The following UBASH3B variants were observed in gnomAD, a reference collection of about 807,000 sequenced individuals.
UBASH3B encodes the protein ubiquitin-associated and SH3 domain-containing protein B.
A neutral mutation model predicts 83.4 loss-of-function variants in UBASH3B; 37 were observed. The observed-to-expected ratio is 0.44, with a 90% CI of 0.34 to 0.58. The LOEUF (loss-of-function observed/expected upper bound fraction) is 0.58, where lower values mean the gene tolerates loss of function less well. Ranked by LOEUF, UBASH3B falls within the 20% of genes least tolerant of loss-of-function variation. UBASH3B has a pLI of 0.01. For missense variants in UBASH3B, 657 were observed against 827.2 expected (o/e 0.79, Z 2.52); for synonymous variants, 304 against 318.3 (o/e 0.96, Z 0.48).
chr11:122,802,391 A>T (rs1861274218), intron 11 of UBASH3B, among the ~76,000 whole-genome samples: 1 of 151,960 alleles, frequency 6.6e-6, no homozygotes, highest in South Asian at 2.1e-4. Flanking sequence ...AGGTATTTGT[A>T]AAAATCTCTT....
intron 1 of UBASH3B, among the ~76,000 whole-genome samples, chr11:122,706,106 C>CTTTTTTTTTTT (rs36055058): frequency 6.3e-5 from 8 of 127,016 alleles, no homozygotes; most frequent in African/African-American, 9.2e-5. Flanking sequence ...TCTTTTCTTT[C>CTTTTTTTTTTT]TTTTTTTTTT....
chr11:122,692,318 G>C (rs1018912398), intron 1 of UBASH3B, among the ~76,000 whole-genome samples: 3 of 152,130 alleles, frequency 2.0e-5, no homozygotes, highest in African/African-American at 7.2e-5. Context: ...CTAAACATTA[G>C]TAAAATATTT....
At chr11:122,710,638 C>T (rs926653624) in intron 1 of UBASH3B, among the ~76,000 whole-genome samples, 10 of 147,082 alleles carry the variant, frequency 6.8e-5, no homozygotes, top group African/African-American at 2.5e-4. Context: ...CCGATATAGC[C>T]AAAAATGGAC....
At position 122,806,559 on chromosome 11, in the gene UBASH3B, A is replaced by G; in HGVS notation, c.1702+43A>G. The G allele has an allele frequency of 3.3e-6, 5 of 1,516,436 alleles. No homozygotes were observed. The highest frequency in any genetic ancestry group is 4.4e-6 in the Non-Finnish European group (5 of 1,140,712). The allele number at this position is 1,516,436 out of a possible 1,614,324, so 93.9% of individuals were successfully genotyped here. On this transcript the variant is annotated intron_variant, in intron 12 of 13. Coordinates refer to ENST00000284273, the MANE Select transcript of UBASH3B (RefSeq NM_032873.5). This position sits in a 1 kb window ranked among gnomAD's most constrained non-coding sequence, Gnocchi z 4.0. The stretch of plus-strand genomic sequence containing the variant: ...GAACTCCATCTGTACATACGTGATT[A>G]TTTCTCTATAATGGTTAATAGGTTA...
At chr11:122,765,149 G>A (rs1431455306) in intron 1 of UBASH3B, among the ~76,000 whole-genome samples, 1 of 148,856 alleles carries the variant, frequency 6.7e-6, no homozygotes, top group African/African-American at 2.5e-5. Context: ...ATTCATTTTT[G>A]TCTTTGGAAG....
intron 1 of UBASH3B, among the ~76,000 whole-genome samples, chr11:122,748,841 G>C (rs890907908): frequency 3.3e-5 from 5 of 152,220 alleles, no homozygotes; most frequent in Admixed American, 6.5e-5. Flanking sequence ...CACTTAACAA[G>C]TCCCTTGGAT....
At chr11:122,748,193 A>G (rs1483729860) in intron 1 of UBASH3B, among the ~76,000 whole-genome samples, 2 of 152,262 alleles carry the variant, frequency 1.3e-5, no homozygotes, top group Non-Finnish European at 2.9e-5. Flanking sequence ...AAAATCCATC[A>G]TTCCAAACAA....
At chr11:122,775,998 G>C (rs539718775) in intron 1 of UBASH3B, 57 of 473,868 alleles carry the variant, frequency 1.2e-4, no homozygotes, top group African/African-American at 9.3e-4. Context: ...CAGACTGCAT[G>C]CAAATCTGAT....
At chr11:122,675,313 G>A (rs145792923) in intron 1 of UBASH3B, among the ~76,000 whole-genome samples, 1 of 152,202 alleles carries the variant, frequency 6.6e-6, no homozygotes, top group African/African-American at 2.4e-5. Flanking sequence ...AGACCACATT[G>A]CAGGAAAGTG....
chr11:122,727,709 T>C (rs1182823992), intron 1 of UBASH3B: 1 of 152,294 alleles, frequency 6.6e-6, no homozygotes, highest in African/African-American at 2.4e-5. Flanking sequence ...GCAGTGTGTT[T>C]ATCTGGTTTC....
intron 1 of UBASH3B, among the ~76,000 whole-genome samples, chr11:122,666,899 A>G (rs532102750): frequency 6.6e-6 from 1 of 151,854 alleles, no homozygotes; most frequent in South Asian, 2.1e-4. Flanking sequence ...CTCTTCTGCC[A>G]CAAGTCTTAT....
At chr11:122,662,479 G>A (rs1341740911) in intron 1 of UBASH3B, among the ~76,000 whole-genome samples, 1 of 149,966 alleles carries the variant, frequency 6.7e-6, no homozygotes, top group Non-Finnish European at 1.5e-5. Flanking sequence ...CCAGGCAGGA[G>A]TGCAATGCTG....
In UBASH3B at chr11:122,806,465, A is replaced by G; in HGVS notation, c.1651A>G (p.Ser551Gly). 6.2e-7 allele frequency: 1 copy of G among 1,607,282 alleles called. No individual in the cohort carries two copies. The highest frequency in any genetic ancestry group is 8.5e-7 in the Non-Finnish European group (1 of 1,177,752). Residue 551 changes from serine (S) to glycine (G), a missense_variant, in exon 12 of 14, where the codon AGT becomes GGT. Around this residue, in one of 3 missense-constraint regions of UBASH3B, gnomAD observed 573 missense variants for 739.0 expected, o/e 0.78. Coordinates refer to ENST00000284273, the MANE Select transcript of UBASH3B (RefSeq NM_032873.5). This position sits in a 1 kb window ranked among gnomAD's most constrained non-coding sequence, Gnocchi z 4.0. ...TTCAGAATCCTATGATACTTATATC[A>G]GTAGAAGTTTCCAAGTAACAAAAGA... ...VVSESYDTYISRSFQVTKEII... is the reference protein window; with the variant it reads ...VVSESYDTYIGRSFQVTKEII...
chr11:122,783,161 A>G lies in UBASH3B; in HGVS notation c.710A>G (p.Lys237Arg). 3 of 1,614,190 alleles carry G rather than the reference A, an allele frequency of 1.9e-6. No individual in the cohort carries two copies. Among genetic ancestry groups the G allele is most frequent in the Middle Eastern group, 1.6e-4 (1 of 6,062 alleles). ...AAACTGGCCCAGAACATTGACGTCA[A>G]GCTAGGGTGTGACTGGGTGGCTACC... is the stretch of plus-strand genomic sequence containing the variant. Reference protein sequence around the residue: ...LEKLAQNIDVKLGCDWVATIF... With the variant: ...LEKLAQNIDVRLGCDWVATIF... Residue 237 changes from lysine (K) to arginine (R), a missense_variant, in exon 5 of 14, where the codon AAG becomes AGG. By Grantham distance (26) the Lys-to-Arg change is conservative. Transcript: ENST00000284273.
chr11:122,671,682 A>G (rs1016545560), intron 1 of UBASH3B, among the ~76,000 whole-genome samples: 2 of 152,218 alleles, frequency 1.3e-5, no homozygotes, highest in Non-Finnish European at 2.9e-5. Context: ...TGTGGCTGCC[A>G]GCCTTACAGA....
At chr11:122,775,521 C>G (rs569006417) in intron 1 of UBASH3B, 2 of 152,174 alleles carry the variant, frequency 1.3e-5, no homozygotes, top group African/African-American at 4.8e-5. Context: ...ATGAATTGAT[C>G]CAAACCATTT....
Position 122,796,987 on chromosome 11 carries a change from A to G in UBASH3B, c.1311A>G (p.Lys437=). ...QRSGGFRDYE[K]DAPITVFGCM... is the part of the protein sequence containing the mutation. ...GTGGTGGTTTCCGAGATTACGAGAAAGATGCTCCCATCACTGTGTTTGGAT... is the reference window on the plus strand; with the variant it reads ...GTGGTGGTTTCCGAGATTACGAGAAGGATGCTCCCATCACTGTGTTTGGAT... The change falls in exon 9 of 14, where the codon AAA becomes AAG. Residue 437 remains lysine, a synonymous_variant. Coordinates refer to ENST00000284273, the MANE Select transcript of UBASH3B (RefSeq NM_032873.5). 2 of 1,614,028 alleles carry G rather than the reference A, an allele frequency of 1.2e-6. No individual in the cohort carries two copies. Among genetic ancestry groups the G allele is most frequent in the Non-Finnish European group, 1.7e-6 (2 of 1,179,940 alleles).
intron 1 of UBASH3B, among the ~76,000 whole-genome samples, chr11:122,750,764 C>T (rs986111922): frequency 6.6e-6 from 1 of 152,208 alleles, no homozygotes; most frequent in African/African-American, 2.4e-5. Flanking sequence ...AGCTCTACTT[C>T]TGTCAAGATA....
chr11:122,667,366 A>G (rs575636522), intron 1 of UBASH3B, among the ~76,000 whole-genome samples: 1 of 152,230 alleles, frequency 6.6e-6, no homozygotes, highest in South Asian at 2.1e-4. Context: ...CTCTCTCTGT[A>G]TATGTATGTA....
Sources: allele counts gnomAD v4.1 joint callset (sites outside exome capture counted in the v4.1 genomes callset), GRCh38; gene constraint gnomAD v4.1.1; regional missense constraint gnomAD v4.1.1; non-coding constraint Gnocchi (gnomAD v3.1); transcripts MANE v1.5; gene names NCBI Gene and HGNC (gene_info 2026-07-23, HGNC 2026-07-21).